The following SCHIP1 variants were observed in gnomAD, a reference collection of about 807,000 sequenced individuals.
SCHIP1 encodes schwannomin interacting protein 1.
SCHIP1 carries 8 observed loss-of-function variants against 29.7 expected under a neutral mutation model. That is an observed-to-expected ratio of 0.27 (90% confidence interval 0.16 to 0.49). The LOEUF is 0.49. Ranked by LOEUF, SCHIP1 falls within the 20% of genes least tolerant of loss-of-function variation. The pLI is 0.99. For missense variants in SCHIP1, 193 were observed against 294.6 expected, an observed-to-expected ratio of 0.66 and a Z score of 2.52; for synonymous variants, 76 against 94.9, an observed-to-expected ratio of 0.80 and a Z score of 1.16.
the SCHIP1 span, among the ~76,000 whole-genome samples, chr3:159,552,032 CTTT>C: frequency 7.4e-3 from 769 of 103,468 alleles, 4 homozygotes; most frequent in African/African-American, 0.028. Context: ...TGCCACATTG[CTTT>C]TTTTTTTTTT....
the SCHIP1 span, among the ~76,000 whole-genome samples, chr3:159,393,366 T>C: frequency 6.6e-6 from 1 of 152,064 alleles, no homozygotes; most frequent in Non-Finnish European, 1.5e-5. Flanking sequence ...GCTTTTGGTG[T>C]TTTAGACATG....
chr3:159,520,489 A>G, the SCHIP1 span, among the ~76,000 whole-genome samples: 7 of 152,236 alleles, frequency 4.6e-5, no homozygotes, highest in Non-Finnish European at 1.0e-4. Context: ...CTAGCATTAC[A>G]CGCGCAGATA....
the SCHIP1 span, among the ~76,000 whole-genome samples, chr3:159,697,980 A>T: frequency 6.6e-6 from 1 of 152,246 alleles, no homozygotes; most frequent in African/African-American, 2.4e-5. Flanking sequence ...ATAGTTAAAG[A>T]AAAACCAAAA....
At chr3:159,752,516 A>G in the SCHIP1 span, among the ~76,000 whole-genome samples, 2 of 152,198 alleles carry the variant, frequency 1.3e-5, no homozygotes, top group Non-Finnish European at 2.9e-5. Context: ...TGCAGGCTGT[A>G]CAGAAGCATG....
the SCHIP1 span, among the ~76,000 whole-genome samples, chr3:159,569,170 G>T: frequency 1.1e-4 from 16 of 150,754 alleles, no homozygotes; most frequent in Admixed American, 7.3e-4. Flanking sequence ...CCAATTACTG[G>T]TTTTTTTTTA....
the SCHIP1 span, among the ~76,000 whole-genome samples, chr3:159,320,771 T>A: frequency 6.6e-6 from 1 of 151,868 alleles, no homozygotes; most frequent in Non-Finnish European, 1.5e-5. Flanking sequence ...CCACGCAGTA[T>A]CATAGATGCA....
chr3:159,501,808 A>C, the SCHIP1 span, among the ~76,000 whole-genome samples: 1 of 152,218 alleles, frequency 6.6e-6, no homozygotes, highest in Non-Finnish European at 1.5e-5. Flanking sequence ...ATGTTATTTA[A>C]AGTATTTTCA....
the SCHIP1 span, among the ~76,000 whole-genome samples, chr3:159,683,890 CAA>C: frequency 1.3e-5 from 2 of 152,012 alleles, no homozygotes; most frequent in Admixed American, 6.6e-5. Context: ...TCCCTGTCTG[CAA>C]AGACTTTGTT....
upstream of SCHIP1, among the ~76,000 whole-genome samples, chr3:159,835,249 C>T (rs75534986): frequency 0.034 from 5,164 of 152,166 alleles, 291 homozygotes; most frequent in African/African-American, 0.12. Context: ...GGGTTTTGGA[C>T]AATAAATATA....
the SCHIP1 span, among the ~76,000 whole-genome samples, chr3:159,603,220 C>T: frequency 3.3e-4 from 50 of 152,310 alleles, no homozygotes; most frequent in African/African-American, 1.1e-3. Flanking sequence ...ACGGGGGAAA[C>T]GACACAGAGC....
At chr3:159,601,697 G>C in the SCHIP1 span, among the ~76,000 whole-genome samples, 1 of 152,208 alleles carries the variant, frequency 6.6e-6, no homozygotes, top group Non-Finnish European at 1.5e-5. Flanking sequence ...TTGGGCTCTG[G>C]AAAGCAAACA....
the SCHIP1 span, among the ~76,000 whole-genome samples, chr3:159,571,290 T>C: frequency 1.3e-5 from 2 of 152,186 alleles, no homozygotes; most frequent in Non-Finnish European, 2.9e-5. Context: ...AGCTATTATT[T>C]TGAGATACGT....
chr3:159,882,628 T>C lies in SCHIP1; in HGVS notation c.150-3579T>C, dbSNP rs570227284. Among the ~76,000 whole-genome samples, 6 of 152,222 alleles carry C rather than the reference T, an allele frequency of 3.9e-5. No individual in the cohort carries two copies. The South Asian group carries it at 1.0e-3, about 26-fold the overall frequency. On this transcript the variant is annotated intron_variant, in intron 2 of 6. Coordinates refer to ENST00000445224, the Ensembl canonical transcript of SCHIP1. ...TTGTTTCTCTCAGGGAATAAACTGC[T>C]CTTGTCCCTGTATTTTGAAAGAAAT...
the SCHIP1 span, among the ~76,000 whole-genome samples, chr3:159,822,718 A>G: frequency 6.6e-6 from 1 of 150,888 alleles, no homozygotes; most frequent in African/African-American, 2.4e-5. Flanking sequence ...ACACTGGAAA[A>G]TGACTCTTCA....
At chr3:159,595,210 G>A in the SCHIP1 span, among the ~76,000 whole-genome samples, 101 of 152,278 alleles carry the variant, frequency 6.6e-4, no homozygotes, top group Middle Eastern at 6.8e-3. Flanking sequence ...TGCCTACTGA[G>A]CCCCTGCTTC....
At chr3:159,426,785 A>T in the SCHIP1 span, among the ~76,000 whole-genome samples, 1 of 152,222 alleles carries the variant, frequency 6.6e-6, no homozygotes, top group Non-Finnish European at 1.5e-5. Flanking sequence ...AAAATCCTCA[A>T]TAAAATACTG....
At chr3:159,884,030 G>A (rs551979285) in intron 2 of SCHIP1, among the ~76,000 whole-genome samples, 13 of 152,148 alleles carry the variant, frequency 8.5e-5, no homozygotes, top group African/African-American at 2.2e-4. Flanking sequence ...TTTGTATTGC[G>A]GGTTATTTTA....
chr3:159,434,988 T>G, the SCHIP1 span, among the ~76,000 whole-genome samples: 1 of 152,192 alleles, frequency 6.6e-6, no homozygotes, highest in Non-Finnish European at 1.5e-5. Flanking sequence ...CAGTTATCTA[T>G]GACCACAGAC....
At chr3:159,488,027 A>G in the SCHIP1 span, among the ~76,000 whole-genome samples, 4 of 152,200 alleles carry the variant, frequency 2.6e-5, no homozygotes, top group African/African-American at 9.7e-5. Flanking sequence ...TTTTCCCAGC[A>G]TCCAAGAACC....
Sources: allele counts gnomAD v4.1 joint callset (sites outside exome capture counted in the v4.1 genomes callset), GRCh38; gene constraint gnomAD v4.1.1; transcripts MANE v1.5; gene names NCBI Gene and HGNC (gene_info 2026-07-23, HGNC 2026-07-21).